Variants in SPATA31C1 observed in about 807,000 individuals in gnomAD.
SPATA31C1 encodes the protein spermatogenesis-associated protein 31C1.
exon 5 of SPATA31C1, chr9:87,922,888 C>G (rs372224653): frequency 6.2e-7 from 1 of 1,605,534 alleles, no homozygotes; most frequent in Admixed American, 1.7e-5. Flanking sequence ...ACAGAAGACA[C>G]CCGTCAGAAT....
intron 1 of SPATA31C1, among the ~76,000 whole-genome samples, chr9:87,916,184 T>C (rs751276490): frequency 0.011 from 1,529 of 137,978 alleles, 150 homozygotes; most frequent in Middle Eastern, 0.033. Context: ...CTGGGGATGG[T>C]AGACAATAAG....
chr9:87,921,547 G>C, exon 5 of SPATA31C1: 2 of 1,611,986 alleles, frequency 1.2e-6, no homozygotes, highest in South Asian at 2.2e-5. Context: ...AAGGTTCTGG[G>C]GGCGACCTCT....
intron 2 of SPATA31C1, 59 bp from the exon 2 acceptor site, chr9:87,919,196 G>C (rs965666333): frequency 1.3e-6 from 2 of 1,595,004 alleles, no homozygotes; most frequent in African/African-American, 2.7e-5. Context: ...GCAGCGTGCT[G>C]CGGCTGGGGG....
chr9:87,919,273 C>CGTCATCTTGTCTCCCAGG, intron 2 of SPATA31C1: 1 of 1,599,156 alleles, frequency 6.3e-7, no homozygotes, highest in Non-Finnish European at 8.5e-7. Flanking sequence ...TGTCTCCCAG[C>CGTCATCTTGTCTCCCAGG]GTCATCTTGT....
chr9:87,922,415 C>A, exon 5 of SPATA31C1: 4 of 1,610,188 alleles, frequency 2.5e-6, no homozygotes, highest in Non-Finnish European at 3.4e-6. Flanking sequence ...AGGCTCCAGG[C>A]GCCAGCAAAA....
exon 5 of SPATA31C1, chr9:87,920,804 C>G: frequency 6.2e-7 from 1 of 1,613,924 alleles, no homozygotes; most frequent in Non-Finnish European, 8.5e-7. Flanking sequence ...AGGAGACTAC[C>G]AAAACCTGGT....
At position 87,918,935 on chromosome 9, in the gene SPATA31C1, G is replaced by A. The variant is rs1828770024; in HGVS notation, n.523-356G>A. 4 of 360,718 alleles carry A rather than the reference G, an allele frequency of 1.1e-5. No individual in the cohort carries two copies. In the East Asian group the frequency reaches 2.2e-4, roughly 20 times the overall value. The allele number at this position is 360,718 out of a possible 1,614,324, so 22.3% of individuals were successfully genotyped here. A position where few individuals can be genotyped will look rare whatever the true frequency, so the allele number is the denominator to read the frequency against. ...TTACAGGCGCCCGCCACCACGCCTG[G>A]CTAATTTTCGTATTTTTAGTAGAGA... On this transcript the variant is annotated intron_variant and non_coding_transcript_variant, in intron 2 of 4. Coordinates refer to ENST00000420021, the Ensembl canonical transcript of SPATA31C1.
exon 5 of SPATA31C1, chr9:87,921,667 G>A: frequency 6.2e-7 from 1 of 1,612,036 alleles, no homozygotes; most frequent in Non-Finnish European, 8.5e-7. Flanking sequence ...GCCCACATGG[G>A]CAGAAAGTTG....
chr9:87,923,124 A>G (rs755536585), exon 5 of SPATA31C1: 2 of 1,603,580 alleles, frequency 1.2e-6, no homozygotes, highest in South Asian at 1.1e-5. Context: ...GGAGGAGAAC[A>G]TGTCACTTTG....
chr9:87,921,907 T>C (rs573909876), exon 5 of SPATA31C1: 2 of 1,612,052 alleles, frequency 1.2e-6, no homozygotes, highest in South Asian at 2.2e-5. Context: ...AGGTGGGGTC[T>C]ACCCCTCAGG....
exon 5 of SPATA31C1, chr9:87,922,000 C>A (rs1245889557): frequency 1.2e-6 from 2 of 1,613,568 alleles, no homozygotes; most frequent in Admixed American, 1.7e-5. Context: ...TCCTCAGACA[C>A]CTGCGAATCT....
chr9:87,918,981 G>A (rs567123444), intron 2 of SPATA31C1: 3 of 408,656 alleles, frequency 7.3e-6, no homozygotes, highest in Non-Finnish European at 1.4e-5. Flanking sequence ...CCATGGCCAG[G>A]CTGGTCTCAA....
chr9:87,919,313 G>T, exon 3 of SPATA31C1: 1 of 1,474,130 alleles, frequency 6.8e-7, no homozygotes, highest in Non-Finnish European at 8.9e-7. Context: ...CGGAGGGGGA[G>T]GCCCAGAGGC....
At position 87,922,865 on chromosome 9, in the gene SPATA31C1, C is replaced by T. The variant is rs772095627; in HGVS notation, n.3255C>T. ...AAGGATTGAGGACTCCTCAACTTAC[C>T]CCAGGCAGAAAAACAGAAGACACCC... On this transcript the variant is annotated non_coding_transcript_exon_variant, in exon 5 of 5. Transcript: ENST00000420021. 1.9e-6 allele frequency: 3 copies of T among 1,606,076 alleles called. No homozygotes were observed. In the East Asian group the frequency reaches 6.7e-5, roughly 36 times the overall value.
At position 87,915,622 on chromosome 9, in the gene SPATA31C1, G is replaced by A. The variant is rs1168962880; in HGVS notation, n.189+912G>A. On this transcript the variant is annotated intron_variant and non_coding_transcript_variant, in intron 1 of 4. Coordinates refer to ENST00000420021, the Ensembl canonical transcript of SPATA31C1. ...GGCTGATCCTTTTTTTTTTAATAAA[G>A]ACATGAGGTTAGATTGAGGTTATTG... Among the ~76,000 whole-genome samples the A allele has an allele frequency of 2.0e-4, 29 of 144,534 alleles. 3 individuals are homozygous for A. Among genetic ancestry groups the A allele is most frequent in the African/African-American group, 7.0e-4 (28 of 39,794 alleles). The allele number at this position is 144,534 out of a possible 152,430, so 94.8% of individuals were successfully genotyped here.
chr9:87,922,604 G>T, exon 5 of SPATA31C1: 1 of 1,609,180 alleles, frequency 6.2e-7, no homozygotes, highest in South Asian at 1.1e-5. Flanking sequence ...ATGCTTCAGA[G>T]AATTTGGCTT....
chr9:87,920,384 C>T (rs865992927), exon 5 of SPATA31C1: 1 of 1,613,978 alleles, frequency 6.2e-7, no homozygotes. Flanking sequence ...ATGCTGCTCC[C>T]ATTGTCTCCC....
At chr9:87,922,689 A>C in exon 5 of SPATA31C1, 1 of 1,607,728 alleles carries the variant, frequency 6.2e-7, no homozygotes, top group Non-Finnish European at 8.5e-7. Context: ...ATGTGACCTC[A>C]TGTCAGCCAG....
intron 2 of SPATA31C1, 45 bp from the exon 2 acceptor site, chr9:87,919,210 A>G: frequency 2.5e-6 from 4 of 1,599,238 alleles, no homozygotes; most frequent in Non-Finnish European, 3.4e-6. Context: ...CTGGGGGCAG[A>G]GAGGGAGAGC....
Sources: gnomAD v4.1 joint callset for allele counts (sites outside exome capture counted in the v4.1 genomes callset) on GRCh38, gnomAD v4.1.1 for gene constraint, MANE v1.5 for transcripts, NCBI Gene and HGNC (gene_info 2026-07-23, HGNC 2026-07-21) for gene names.